ANTXR2: variants seen among roughly 807,000 people sequenced by gnomAD.
ANTXR2 encodes the protein anthrax toxin receptor 2.
ANTXR2 carries 44 observed loss-of-function variants against 73.7 expected under a neutral mutation model. That is an observed-to-expected ratio of 0.60 (90% CI 0.47 to 0.77). ANTXR2 has a LOEUF of 0.77. Among genes scored for constraint, ANTXR2 ranks in the 30% least tolerant of loss-of-function variants. The pLI, the probability that ANTXR2 is intolerant of heterozygous loss-of-function variation, is 0.00. For synonymous variants in ANTXR2, 217 were observed against 205.9 expected (o/e 1.05, Z -0.46); for missense variants, 604 against 592.5 (o/e 1.02, Z -0.20).
rs1322234507 is a variant in ANTXR2, at chr4:80,015,976, AGG to A, written c.945+2920_945+2921del. On this transcript the variant is annotated intron_variant, in intron 11 of 16. Coordinates refer to ENST00000403729, the MANE Select transcript of ANTXR2 (RefSeq NM_058172.6). Reference sequence around the variant, plus strand: ...AGGAAAGGAAAGGAAAGGAAAGGAAAGGAAAGGAAAGGAAAGGAAAGGAAAGG... The same window carrying A: ...AGGAAAGGAAAGGAAAGGAAAGGAAAAAAGGAAAGGAAAGGAAAGGAAAGG... 4.1e-5 allele frequency among the ~76,000 whole-genome samples: 6 copies of A among 146,420 alleles called. No individual in the cohort carries two copies. In the South Asian group the frequency reaches 6.9e-4, roughly 17 times the overall value.
intron 16 of ANTXR2, among the ~76,000 whole-genome samples, chr4:79,921,331 T>C (rs1727580718): frequency 6.6e-6 from 1 of 152,064 alleles, no homozygotes; most frequent in Non-Finnish European, 1.5e-5. Flanking sequence ...CATTGATTTA[T>C]TCCTAGTTAA....
intron 16 of ANTXR2, among the ~76,000 whole-genome samples, chr4:79,929,968 A>T (rs1055085060): frequency 6.6e-6 from 1 of 152,180 alleles, no homozygotes; most frequent in Non-Finnish European, 1.5e-5. Context: ...AAGTACTATT[A>T]TACTGAATTT....
At chr4:80,011,660 C>T (rs1307724734) in intron 11 of ANTXR2, among the ~76,000 whole-genome samples, 1 of 152,120 alleles carries the variant, frequency 6.6e-6, no homozygotes, top group Non-Finnish European at 1.5e-5. Flanking sequence ...ACTCTTAAGT[C>T]CATAGTTTGC....
chr4:79,987,291 T>C (rs1441728915), intron 12 of ANTXR2, among the ~76,000 whole-genome samples: 3 of 146,106 alleles, frequency 2.1e-5, no homozygotes, highest in Non-Finnish European at 4.5e-5. Context: ...AAAAAAAAAA[T>C]TGAACTTCCG....
intron 12 of ANTXR2, among the ~76,000 whole-genome samples, chr4:79,986,550 G>T (rs1730169618): frequency 6.6e-6 from 1 of 152,172 alleles, no homozygotes; most frequent in Non-Finnish European, 1.5e-5. Context: ...TATGGGTACA[G>T]ATAAAGAAAG....
chr4:79,931,627 C>T (rs978244411), intron 16 of ANTXR2, among the ~76,000 whole-genome samples: 24 of 152,184 alleles, frequency 1.6e-4, no homozygotes, highest in African/African-American at 5.5e-4. Flanking sequence ...GCGCCAACCC[C>T]GAAAAGGTTC....
At chr4:80,020,679 A>G (rs1205033499) in intron 10 of ANTXR2, among the ~76,000 whole-genome samples, 1 of 152,228 alleles carries the variant, frequency 6.6e-6, no homozygotes, top group Non-Finnish European at 1.5e-5. Flanking sequence ...AGGCTTGATT[A>G]AATGATGAAA....
chr4:79,996,318 T>TATGG (rs141810972), intron 12 of ANTXR2, among the ~76,000 whole-genome samples: 15,354 of 148,756 alleles, frequency 0.1, 863 homozygotes, highest in Middle Eastern at 0.25. Context: ...CGGATGGATA[T>TATGG]ATGGATGGAT....
chr4:79,927,014 T>C (rs1727835336), intron 16 of ANTXR2, among the ~76,000 whole-genome samples: 1 of 140,740 alleles, frequency 7.1e-6, no homozygotes, highest in African/African-American at 2.6e-5. Context: ...CGTGTGCATA[T>C]ATACATATGT....
At chr4:80,034,581 T>C (rs1732868175) in intron 8 of ANTXR2, among the ~76,000 whole-genome samples, 3 of 152,102 alleles carry the variant, frequency 2.0e-5, no homozygotes, top group Admixed American at 1.3e-4. Context: ...GTTATATAAG[T>C]TTGTTGGTTG....
At chr4:80,054,405 T>C (rs544326581) in intron 6 of ANTXR2, 53 bp from the exon 7 acceptor site, 424 of 1,265,010 alleles carry the variant, frequency 3.4e-4, no homozygotes, top group Non-Finnish European at 4.5e-4. Context: ...CATACAACAA[T>C]TTATAAACTT....
chr4:80,066,394 A>G (rs528694956), intron 3 of ANTXR2, among the ~76,000 whole-genome samples: 2 of 152,270 alleles, frequency 1.3e-5, no homozygotes, highest in African/African-American at 4.8e-5. Flanking sequence ...GCCACCCCAA[A>G]CTAATTAAAA....
chr4:80,043,731 C>T (rs1350361419), intron 7 of ANTXR2, among the ~76,000 whole-genome samples: 1 of 151,910 alleles, frequency 6.6e-6, no homozygotes, highest in African/African-American at 2.4e-5. Flanking sequence ...CAGATCCAGC[C>T]GTAAGAGTCA....
intron 12 of ANTXR2, among the ~76,000 whole-genome samples, chr4:79,999,205 C>T (rs1730892333): frequency 6.6e-6 from 1 of 151,744 alleles, no homozygotes; most frequent in Non-Finnish European, 1.5e-5. Context: ...AATTGTAATC[C>T]CCATAATCCC....
intron 14 of ANTXR2, among the ~76,000 whole-genome samples, chr4:79,980,387 G>T (rs771829444): frequency 1.3e-5 from 2 of 152,068 alleles, no homozygotes; most frequent in African/African-American, 2.4e-5. Context: ...TAATGTTTTA[G>T]TTTGACCACA....
intron 16 of ANTXR2, among the ~76,000 whole-genome samples, chr4:79,964,018 C>T (rs921472127): frequency 1.3e-5 from 2 of 152,148 alleles, no homozygotes; most frequent in East Asian, 3.8e-4. Flanking sequence ...AAAATTACAT[C>T]CATCGGCAAA....
intron 12 of ANTXR2, among the ~76,000 whole-genome samples, chr4:79,987,213 A>G (rs1220231364): frequency 6.6e-6 from 1 of 151,912 alleles, no homozygotes; most frequent in East Asian, 1.9e-4. Context: ...GAAGGTTGAA[A>G]CCCAATCCAA....
chr4:80,021,096 C>T (rs1057373187), intron 10 of ANTXR2, among the ~76,000 whole-genome samples: 6 of 143,022 alleles, frequency 4.2e-5, no homozygotes, highest in Middle Eastern at 3.5e-3. Context: ...TTGCAGTGAG[C>T]CGAGATCACA....
intron 16 of ANTXR2, among the ~76,000 whole-genome samples, chr4:79,963,460 C>T (rs1365648247): frequency 6.6e-6 from 1 of 151,852 alleles, no homozygotes; most frequent in Non-Finnish European, 1.5e-5. Flanking sequence ...TCAATCATTT[C>T]AAAAAAACGA....
Sources: gnomAD v4.1 joint callset for allele counts (sites outside exome capture counted in the v4.1 genomes callset) on GRCh38, gnomAD v4.1.1 for gene constraint, MANE v1.5 for transcripts, NCBI Gene and HGNC (gene_info 2026-07-23, HGNC 2026-07-21) for gene names.